The following ZNF341 variants were observed in gnomAD, a reference collection of about 807,000 sequenced individuals.
ZNF341 encodes the protein zinc finger protein 341.
In ZNF341, 52 loss-of-function variants were observed where a neutral mutation model predicts 87.7. That is an observed-to-expected ratio of 0.59 (90% CI 0.47 to 0.75). ZNF341 has a LOEUF of 0.75. ZNF341 is among the 30% of genes least tolerant of loss of function. The pLI is 0.00. For missense variants in ZNF341, 977 were observed against 1,145.9 expected, an observed-to-expected ratio of 0.85 and a Z score of 2.13; for synonymous variants, 459 against 472.7, an observed-to-expected ratio of 0.97 and a Z score of 0.38.
At chr20:33,789,020 C>G (rs773356257) in intron 13 of ZNF341, 46 bp downstream of exon 13, 2 of 1,479,584 alleles carry the variant, frequency 1.4e-6, no homozygotes, top group South Asian at 1.2e-5. Flanking sequence ...GGGACAGATT[C>G]TCCAGGGGTG....
At chr20:33,770,797 C>T (rs968029749) in intron 10 of ZNF341, among the ~76,000 whole-genome samples, 2 of 152,016 alleles carry the variant, frequency 1.3e-5, no homozygotes, top group African/African-American at 2.4e-5. Flanking sequence ...CATAATGAGA[C>T]CCCATCTCTA....
At chr20:33,758,099 C>G (rs1377269393) in intron 6 of ZNF341, among the ~76,000 whole-genome samples, 1 of 152,114 alleles carries the variant, frequency 6.6e-6, no homozygotes, top group Admixed American at 6.6e-5. Flanking sequence ...GGAATCTAGT[C>G]TCTTGGTCTA....
In ZNF341 at chr20:33,761,886, G is replaced by A. The variant is rs1214927881; in HGVS notation, c.1053G>A (p.Gln351=). 1.9e-6 allele frequency: 3 copies of A among 1,577,048 alleles called. No homozygotes were observed. The Admixed American group carries it at 5.1e-5, about 27-fold the overall frequency. The part of the protein sequence containing the change: ...IRSHTGEKPF[Q]CIACGRAFAQ... ...GCCACACCGGTGAGAAGCCCTTCCA[G>A]TGCATTGCATGTGGCCGTGCCTTTG... Residue 351 remains glutamine (Q), a synonymous_variant, in exon 8 of 15, where the codon CAG becomes CAA. Coordinates refer to ENST00000375200, the MANE Select transcript of ZNF341 (RefSeq NM_001282933.2).
At chr20:33,757,646 G>A (rs952879475) in intron 6 of ZNF341, among the ~76,000 whole-genome samples, 1 of 152,132 alleles carries the variant, frequency 6.6e-6, no homozygotes, top group African/African-American at 2.4e-5. Context: ...TGTCTAAGAT[G>A]GCTGCTGGAG....
At chr20:33,771,776 G>A (rs187984479) in intron 10 of ZNF341, among the ~76,000 whole-genome samples, 5 of 151,706 alleles carry the variant, frequency 3.3e-5, no homozygotes, top group Non-Finnish European at 7.4e-5. Flanking sequence ...AGCATTTGGG[G>A]AGGCTGAGGT....
intron 6 of ZNF341, 47 bp downstream of exon 6, chr20:33,757,390 T>G: frequency 2.2e-4 from 298 of 1,332,916 alleles, no homozygotes; most frequent in Middle Eastern, 3.9e-4. Flanking sequence ...CATTGGCCAA[T>G]CCACAAGCTA....
chr20:33,737,312 T>A (rs754252493), intron 1 of ZNF341, among the ~76,000 whole-genome samples: 4 of 151,984 alleles, frequency 2.6e-5, no homozygotes, highest in African/African-American at 9.7e-5. Flanking sequence ...TTTTTATTTA[T>A]TTATTTATTT....
intron 10 of ZNF341, among the ~76,000 whole-genome samples, chr20:33,779,083 G>A (rs1205141926): frequency 6.6e-6 from 1 of 152,128 alleles, no homozygotes; most frequent in Non-Finnish European, 1.5e-5. Context: ...TTGACTCACG[G>A]TTCAGCAGGC....
chr20:33,747,750 G>A (rs1216955516), intron 3 of ZNF341, among the ~76,000 whole-genome samples: 25 of 130,822 alleles, frequency 1.9e-4, no homozygotes, highest in Non-Finnish European at 3.1e-4. Context: ...TCTTACTGTC[G>A]CTCAGGCTGG....
intron 10 of ZNF341, among the ~76,000 whole-genome samples, chr20:33,773,416 C>T (rs2019566603): frequency 6.6e-6 from 1 of 152,134 alleles, no homozygotes; most frequent in African/African-American, 2.4e-5. Flanking sequence ...GCCCAATGAG[C>T]CAGGCCCCCA....
Position 33,783,772 on chromosome 20 carries a change from C to T in ZNF341, c.1760C>T (p.Thr587Ile). 6.2e-7 allele frequency: 1 copy of T among 1,613,864 alleles called. No individual in the cohort carries two copies. The highest frequency in any genetic ancestry group is 8.5e-7 in the Non-Finnish European group (1 of 1,179,892). ...CGCTACCTGCGGCGTCATCTGCCCA[C>T]CCACGGCAGCGGGGGCAGGTTCAAG... is the stretch of plus-strand genomic sequence containing the variant. ...CERYLRRHLP[T>I]HGSGGRFKCQ... is the part of the protein sequence containing the mutation. Residue 587 changes from threonine (T) to isoleucine (I), a missense_variant, in exon 12 of 15, where the codon ACC becomes ATC. This residue lies in a region of ZNF341 where 241 missense variants were observed against 335.0 expected (regional missense o/e 0.72). Transcript: ENST00000375200.
chr20:33,751,219 A>G (rs1314578951), intron 4 of ZNF341, among the ~76,000 whole-genome samples: 1 of 152,104 alleles, frequency 6.6e-6, no homozygotes, highest in Non-Finnish European at 1.5e-5. Context: ...ATAAACAGAC[A>G]TCTTTGCCCA....
rs1200273411 is a variant in ZNF341, at chr20:33,745,470, G to T, written c.339+171G>T. Among the ~76,000 whole-genome samples, 3 of 152,146 alleles carry T rather than the reference G, an allele frequency of 2.0e-5. No individual in the cohort carries two copies. In the East Asian group the frequency reaches 5.8e-4, roughly 29 times the overall value. On this transcript the variant is annotated intron_variant, in intron 3 of 14. Transcript: ENST00000375200. ...TACTGTTTTCAGCATGTTAAATGCG[G>T]AGAGATAGGGGATGCCAGACGGGGA...
At chr20:33,777,427 G>C (rs1568590680) in intron 10 of ZNF341, among the ~76,000 whole-genome samples, 1 of 151,568 alleles carries the variant, frequency 6.6e-6, no homozygotes, top group Non-Finnish European at 1.5e-5. Flanking sequence ...CTGAAGTCAG[G>C]AGTTCGAGAC....
intron 10 of ZNF341, among the ~76,000 whole-genome samples, chr20:33,777,090 G>T (rs1359990349): frequency 7.0e-6 from 1 of 142,918 alleles, no homozygotes; most frequent in East Asian, 2.1e-4. Context: ...GAGGTAGACA[G>T]ATTGCTTGAG....
At chr20:33,756,638 G>A (rs561796966) in intron 5 of ZNF341, among the ~76,000 whole-genome samples, 1 of 152,250 alleles carries the variant, frequency 6.6e-6, no homozygotes, top group East Asian at 1.9e-4. Context: ...AAAGTGCTGG[G>A]ATTACAGGTG....
intron 3 of ZNF341, among the ~76,000 whole-genome samples, chr20:33,747,609 C>T (rs1487655018): frequency 2.3e-5 from 2 of 88,444 alleles, no homozygotes; most frequent in African/African-American, 6.8e-5. Context: ...AGCGAGACTC[C>T]GTCTCAAAAA....
chr20:33,761,729 G>A (rs1011643256), intron 7 of ZNF341, 133 bp from the exon 8 acceptor site: 2 of 724,894 alleles, frequency 2.8e-6, no homozygotes, highest in African/African-American at 3.6e-5. Context: ...GAAGGGGCTT[G>A]TCGCCGTGGT....
chr20:33,752,263 C>A, intron 4 of ZNF341: 1 of 596,006 alleles, frequency 1.7e-6, no homozygotes. Flanking sequence ...GATCTTCATC[C>A]TCATAACATT....
Sources: allele counts gnomAD v4.1 joint callset (sites outside exome capture counted in the v4.1 genomes callset), GRCh38; gene constraint gnomAD v4.1.1; regional missense constraint gnomAD v4.1.1; transcripts MANE v1.5; gene names NCBI Gene and HGNC (gene_info 2026-07-23, HGNC 2026-07-21).